The following CST8 variants were observed in gnomAD, a reference collection of about 807,000 sequenced individuals.
CST8 encodes cystatin 8.
Under a neutral mutation model 11.8 loss-of-function variants are expected in CST8, and 20 were observed. That is an observed-to-expected ratio of 1.70 (90% CI 1.20 to 2.47). The LOEUF is 2.47. Among genes scored for constraint, CST8 ranks in the 30% most tolerant of loss-of-function variants. CST8 has a pLI of 0.00. For synonymous variants in CST8, 77 were observed against 63.1 expected, an observed-to-expected ratio of 1.22 and a Z score of -1.05; for missense variants, 196 against 167.2, an observed-to-expected ratio of 1.17 and a Z score of -0.95.
At chr20:23,495,337 A>G (rs918987443) in intron 3 of CST8, among the ~76,000 whole-genome samples, 2 of 152,098 alleles carry the variant, frequency 1.3e-5, no homozygotes, top group Non-Finnish European at 2.9e-5. Context: ...TCCTGGGTTG[A>G]ATGGTAATTC....
chr20:23,505,801 G>T, the CST8 span, among the ~76,000 whole-genome samples: 4 of 152,224 alleles, frequency 2.6e-5, no homozygotes, highest in East Asian at 1.9e-4. Flanking sequence ...CATCCTGGAC[G>T]CACTGACTCG....
At chr20:23,501,374 G>T in the CST8 span, among the ~76,000 whole-genome samples, 2,276 of 152,296 alleles carry the variant, frequency 0.015, 66 homozygotes, top group African/African-American at 0.052. Context: ...ATCCCCCAAA[G>T]TTCCCCACAG....
chr20:23,493,019 C>G lies in CST8; in HGVS notation c.293C>G (p.Pro98Arg). Residue 98 changes from proline (P) to arginine (R), a missense_variant, in exon 3 of 4, where the codon CCT becomes CGT. Physicochemically the swap from Pro to Arg is moderately radical, Grantham distance 103. Coordinates refer to ENST00000246012, the MANE Select transcript of CST8 (RefSeq NM_005492.4). Reference sequence around the variant, plus strand: ...ATTGCCCGCAGCGATTGCAGAAAGCCTTTAAGCACTAATGAAATCTGCGCC... The same window carrying G: ...ATTGCCCGCAGCGATTGCAGAAAGCGTTTAAGCACTAATGAAATCTGCGCC... ...VEIARSDCRK[P>R]LSTNEICAIQ... 1 of 1,613,632 alleles carries G rather than the reference C, an allele frequency of 6.2e-7. No individual in the cohort carries two copies. Among genetic ancestry groups the G allele is most frequent in the East Asian group, 2.2e-5 (1 of 44,862 alleles).
chr20:23,491,366 G>T (rs1987873853), intron 1 of CST8, 24 bp downstream of exon 1: 1 of 421,640 alleles, frequency 2.4e-6, no homozygotes, highest in Non-Finnish European at 4.3e-6. Context: ...CACTGGGGCC[G>T]AAGGGGAGAG....
At chr20:23,502,115 G>A in the CST8 span, among the ~76,000 whole-genome samples, 1 of 152,168 alleles carries the variant, frequency 6.6e-6, no homozygotes, top group Non-Finnish European at 1.5e-5. Flanking sequence ...AGCCACACCT[G>A]CTTGTGGAAT....
At chr20:23,500,698 A>G (rs971777700), downstream of CST8, among the ~76,000 whole-genome samples, 26 of 149,484 alleles carry the variant, frequency 1.7e-4, no homozygotes, top group African/African-American at 6.2e-4. Context: ...TGGGGGTGAA[A>G]ATGGCAGCCA....
downstream of CST8, among the ~76,000 whole-genome samples, chr20:23,499,925 C>T (rs549800567): frequency 4.0e-5 from 6 of 151,514 alleles, no homozygotes; most frequent in South Asian, 2.1e-4. Context: ...GTTCTGTAAG[C>T]GGTAGCAGCA....
downstream of CST8, among the ~76,000 whole-genome samples, chr20:23,496,413 G>A (rs1988049128): frequency 6.6e-6 from 1 of 152,090 alleles, no homozygotes; most frequent in Admixed American, 6.5e-5. Flanking sequence ...GTTTATTAGT[G>A]ATTTTCAAAA....
the CST8 span, among the ~76,000 whole-genome samples, chr20:23,505,334 C>T: frequency 4.0e-5 from 6 of 151,810 alleles, no homozygotes; most frequent in South Asian, 6.2e-4. Flanking sequence ...TTAGTAAAGA[C>T]GGGGTTTCAC....
chr20:23,491,780 T>C lies in CST8; in HGVS notation c.113T>C (p.Val38Ala). Reference protein sequence around the residue: ...ETGVLRKLKPVNASNANVKQC... With the variant: ...ETGVLRKLKPANASNANVKQC... ...GGGGTGCTGAGGAAATTAAAACCCG[T>C]CAATGCCTCAAATGCCAACGTGAAG... Residue 38 changes from valine to alanine, a missense_variant, in exon 2 of 4, where the codon GTC becomes GCC. By Grantham distance (64) the Val-to-Ala change is moderately conservative. Transcript: ENST00000246012. The C allele has an allele frequency of 6.2e-7, 1 of 1,614,030 alleles. No individual in the cohort carries two copies. The highest frequency in any genetic ancestry group is 2.2e-5 in the East Asian group (1 of 44,864).
chr20:23,491,211 G>A lies in CST8; in HGVS notation c.-275G>A. On this transcript the variant is annotated 5_prime_UTR_variant, in exon 1 of 4. Coordinates refer to ENST00000246012, the MANE Select transcript of CST8 (RefSeq NM_005492.4). ...CAGCTCCCAGCTCCACAGGGAGTAA[G>A]AAGGAGCTGCAGGCACAGCAGGCTG... is the stretch of plus-strand genomic sequence containing the variant. The A allele has an allele frequency of 1.2e-5, 2 of 172,852 alleles. 1 individual carries two copies. The highest frequency in any genetic ancestry group is 2.5e-5 in the Non-Finnish European group (2 of 80,926). 10.7% of individuals were successfully genotyped at this position (172,852 alleles called of 1,614,324 possible).
chr20:23,502,973 A>G, the CST8 span, among the ~76,000 whole-genome samples: 1 of 152,232 alleles, frequency 6.6e-6, no homozygotes, highest in African/African-American at 2.4e-5. Context: ...TTGCTTTCTA[A>G]AAAAGAAAAA....
the CST8 span, among the ~76,000 whole-genome samples, chr20:23,506,098 G>A: frequency 6.6e-6 from 1 of 151,782 alleles, no homozygotes; most frequent in Non-Finnish European, 1.5e-5. Flanking sequence ...CCAGTTGCTG[G>A]TAGTTTGTAC....
At chr20:23,494,627 C>A (rs1348025375) in intron 3 of CST8, among the ~76,000 whole-genome samples, 3 of 152,192 alleles carry the variant, frequency 2.0e-5, no homozygotes, top group Non-Finnish European at 4.4e-5. Context: ...GGACCACTAT[C>A]TCTCTGCCTA....
At position 23,492,989 on chromosome 20, in the gene CST8, T is replaced by G; in HGVS notation, c.263T>G (p.Val88Gly). Residue 88 changes from valine (V) to glycine (G), a missense_variant, in exon 3 of 4, where the codon GTA (valine) becomes GGA (glycine). By Grantham distance (109) the Val-to-Gly change is moderately radical (BLOSUM62 -3). Coordinates refer to ENST00000246012, the MANE Select transcript of CST8 (RefSeq NM_005492.4). ...AATCTTCTGGAATACCTTATTGATG[T>G]AGAAATTGCCCGCAGCGATTGCAGA... ...VTNLLEYLID[V>G]EIARSDCRKP... 1 of 1,611,416 alleles carries G rather than the reference T, an allele frequency of 6.2e-7. No homozygotes were observed.
chr20:23,497,849 A>C (rs536279957), downstream of CST8, among the ~76,000 whole-genome samples: 2 of 152,336 alleles, frequency 1.3e-5, no homozygotes, highest in Admixed American at 6.5e-5. Flanking sequence ...GGATTATTAC[A>C]ATTCAAAGTG....
intron 3 of CST8, among the ~76,000 whole-genome samples, chr20:23,493,435 A>C (rs912295895): frequency 2.0e-5 from 3 of 152,198 alleles, no homozygotes; most frequent in Non-Finnish European, 4.4e-5. Flanking sequence ...ACTCATCCCC[A>C]TACAGACACA....
At chr20:23,498,549 C>G (rs1988113189), downstream of CST8, among the ~76,000 whole-genome samples, 1 of 152,200 alleles carries the variant, frequency 6.6e-6, no homozygotes, top group South Asian at 2.1e-4. Context: ...AGACTGTCGC[C>G]CTGCCTTCAG....
At chr20:23,505,638 C>T in the CST8 span, among the ~76,000 whole-genome samples, 1 of 152,122 alleles carries the variant, frequency 6.6e-6, no homozygotes, top group Non-Finnish European at 1.5e-5. Context: ...CTGATTTGCC[C>T]CGATTCTGGC....
Sources: allele counts gnomAD v4.1 joint callset (sites outside exome capture counted in the v4.1 genomes callset), GRCh38; gene constraint gnomAD v4.1.1; transcripts MANE v1.5; gene names NCBI Gene and HGNC (gene_info 2026-07-23, HGNC 2026-07-21).